The following ILDR2 variants were observed in gnomAD, a reference collection of about 807,000 sequenced individuals.
ILDR2 encodes immunoglobulin like domain containing receptor 2, also known as immunoglobulin-like domain-containing receptor 2.
ILDR2 carries 25 observed loss-of-function variants against 66.8 expected under a neutral mutation model. The observed-to-expected ratio is 0.37, with a 90% CI of 0.27 to 0.52. ILDR2 has a LOEUF of 0.52. Among genes scored for constraint, ILDR2 ranks in the 20% least tolerant of loss-of-function variants. The pLI is 0.88. For missense variants in ILDR2, 827 were observed against 876.8 expected (o/e 0.94, Z 0.72); for synonymous variants, 367 against 357.2 (o/e 1.03, Z -0.31).
rs371335210 is a variant in ILDR2, at chr1:166,939,618, G to C, written c.500-48C>G. The C allele has an allele frequency of 1.3e-4, 207 of 1,547,690 alleles. 1 individual carries two copies. In the Admixed American group the frequency reaches 3.4e-3, roughly 26 times the overall value. ...AAGAAGGAAAGTGGTTATTCCAAGG[G>C]AAAACATAGCCTAAAGCCTGGCTCC... is the stretch of plus-strand genomic sequence containing the variant. On this transcript the variant is annotated intron_variant, in intron 3 of 9. Coordinates refer to ENST00000271417, the MANE Select transcript of ILDR2 (RefSeq NM_199351.3).
Position 166,920,981 on chromosome 1 carries a change from G to A in ILDR2, c.1610C>T (p.Ala537Val). Residue 537 changes from alanine to valine, a missense_variant, in exon 9 of 10, where the codon GCG becomes GTG. By Grantham distance (64) the Ala-to-Val change is moderately conservative. This residue lies in a region of ILDR2 where 390 missense variants were observed against 353.6 expected (regional missense o/e 1.10). Transcript: ENST00000271417. ...SYLGSARERQ[A>V]RPEGASRGGS... is the part of the protein sequence containing the mutation. ...ACCGCGGCTGGCGCCCTCGGGCCGC[G>A]CCTGGCGCTCCCGCGCGCTGCCCAG... is the stretch of plus-strand genomic sequence containing the variant. The A allele has an allele frequency of 2.0e-6, 3 of 1,493,410 alleles. No individual in the cohort carries two copies. The highest frequency in any genetic ancestry group is 1.8e-6 in the Non-Finnish European group (2 of 1,132,668). 92.5% of individuals were successfully genotyped at this position (1,493,410 alleles called of 1,614,324 possible).
rs769643448 is a variant in ILDR2 at position 166,936,612 on chromosome 1, A to G, written c.682T>C (p.Ser228Pro). 6.2e-7 allele frequency: 1 copy of G among 1,614,086 alleles called. No homozygotes were observed. The highest frequency in any genetic ancestry group is 1.1e-5 in the South Asian group (1 of 91,078). The part of the protein sequence containing the change: ...CYVRCPCCPD[S>P]CCCPQALYEA... Reference sequence around the variant, plus strand: ...TCACAGGCTTGAGGGCAGCAGCAGGAATCTGGGCAGCATGGGCAGCGGACA... The same window carrying G: ...TCACAGGCTTGAGGGCAGCAGCAGGGATCTGGGCAGCATGGGCAGCGGACA... The change falls in exon 5 of 10, where the codon TCC becomes CCC. Residue 228 changes from serine to proline, a missense_variant. By Grantham distance (74) the Ser-to-Pro change is moderately conservative. This residue lies in a region of ILDR2 where 437 missense variants were observed against 523.2 expected (regional missense o/e 0.84). Transcript: ENST00000271417. This position sits in a 1 kb window ranked among gnomAD's most constrained non-coding sequence, Gnocchi z 5.0.
At chr1:166,955,014 C>A (rs890111917) in intron 3 of ILDR2, among the ~76,000 whole-genome samples, 2 of 152,188 alleles carry the variant, frequency 1.3e-5, no homozygotes, top group Non-Finnish European at 2.9e-5. Flanking sequence ...TAATTGTGGG[C>A]TCAATGAGCC....
chr1:166,955,540 T>G (rs1662226033), intron 3 of ILDR2, among the ~76,000 whole-genome samples: 1 of 151,734 alleles, frequency 6.6e-6, no homozygotes, highest in South Asian at 2.1e-4. Context: ...GAGGCAGAGG[T>G]TGCAATGAGC....
At chr1:166,934,199 C>T (rs1333964474) in intron 6 of ILDR2, among the ~76,000 whole-genome samples, 1 of 152,136 alleles carries the variant, frequency 6.6e-6, no homozygotes, top group Non-Finnish European at 1.5e-5. Flanking sequence ...CCTGCCCCTC[C>T]ACCTATACCT....
In ILDR2 at chr1:166,914,911, T is replaced by C. The variant is rs2101833487; in HGVS notation, c.*4444A>G. On this transcript the variant is annotated 3_prime_UTR_variant, in exon 10 of 10. Coordinates refer to ENST00000271417, the MANE Select transcript of ILDR2 (RefSeq NM_199351.3). ...TATAAAATGAGGACTTTTATTATTC[T>C]TGTCCACCCAACTTTAGGTAAGACC... The C allele has an allele frequency of 6.6e-6, 1 of 152,350 alleles. No homozygotes were observed. The highest frequency in any genetic ancestry group is 2.1e-4 in the South Asian group (1 of 4,828). 9.4% of individuals were successfully genotyped at this position (152,350 alleles called of 1,614,324 possible).
rs112820212 is a variant in ILDR2, at chr1:166,936,307, C to A, written c.703+284G>T. On this transcript the variant is annotated intron_variant, in intron 5 of 9. Transcript: ENST00000271417. This position sits in a 1 kb window ranked among gnomAD's most constrained non-coding sequence, Gnocchi z 5.0. Reference sequence around the variant, plus strand: ...ACAGTCTTACACCACAACCTCACCACGCCAAACCTGCCCTTCCATTTTATC... The same window carrying A: ...ACAGTCTTACACCACAACCTCACCAAGCCAAACCTGCCCTTCCATTTTATC... Among the ~76,000 whole-genome samples, 1 of 152,190 alleles carries A rather than the reference C, an allele frequency of 6.6e-6. No individual in the cohort carries two copies. The highest frequency in any genetic ancestry group is 1.5e-5 in the Non-Finnish European group (1 of 68,028).
intron 7 of ILDR2, among the ~76,000 whole-genome samples, chr1:166,923,960 A>G (rs1403035440): frequency 2.0e-5 from 3 of 152,208 alleles, no homozygotes; most frequent in Admixed American, 2.0e-4. Flanking sequence ...AGGTGGGCCA[A>G]GATAAGATGT....
At chr1:166,953,421 C>T (rs545745701) in intron 3 of ILDR2, among the ~76,000 whole-genome samples, 2 of 152,288 alleles carry the variant, frequency 1.3e-5, no homozygotes, top group South Asian at 4.1e-4. Flanking sequence ...TTCTTCTTAA[C>T]TTTGCCTCTA....
intron 1 of ILDR2, among the ~76,000 whole-genome samples, chr1:166,968,528 T>A (rs1352675098): frequency 2.0e-5 from 3 of 152,186 alleles, no homozygotes; most frequent in African/African-American, 2.4e-5. Flanking sequence ...ATGTGTTGAA[T>A]AATTTAACCC....
Position 166,919,291 on chromosome 1 carries a change from G to T in ILDR2, c.*64C>A. On this transcript the variant is annotated 3_prime_UTR_variant, in exon 10 of 10. Coordinates refer to ENST00000271417, the MANE Select transcript of ILDR2 (RefSeq NM_199351.3). ...AAGGTCCTGGGCCTGCTGGTTCTTA[G>T]ATTTGTGTCTTGTCCCCGTAGTCCA... 1 of 1,479,278 alleles carries T rather than the reference G, an allele frequency of 6.8e-7. No homozygotes were observed. Among genetic ancestry groups the T allele is most frequent in the Non-Finnish European group, 9.4e-7 (1 of 1,064,808 alleles). 91.6% of individuals were successfully genotyped at this position (1,479,278 alleles called of 1,614,324 possible). A position where few individuals can be genotyped will look rare whatever the true frequency, so the allele number is the denominator to read the frequency against.
At chr1:166,935,225 G>T in intron 6 of ILDR2, 76 bp downstream of exon 6, 4 of 1,426,082 alleles carry the variant, frequency 2.8e-6, no homozygotes, top group Non-Finnish European at 3.9e-6. Context: ...TCACTGAACT[G>T]ACTGTTCTTA....
intron 6 of ILDR2, among the ~76,000 whole-genome samples, chr1:166,933,268 A>G (rs1660745726): frequency 1.3e-5 from 2 of 152,252 alleles, no homozygotes; most frequent in South Asian, 4.1e-4. Flanking sequence ...GTCTGCTGGA[A>G]AAGTTTTTCT....
In ILDR2 at chr1:166,918,147, A is replaced by G. The variant is rs368054479; in HGVS notation, c.*1208T>C. On this transcript the variant is annotated 3_prime_UTR_variant, in exon 10 of 10. Transcript: ENST00000271417. ...TAGCTTTGGGATTTAGGCAAAATCT[A>G]TCATTTAGGCAAGGGTGGGAATAGG... 1 of 152,198 alleles carries G rather than the reference A, an allele frequency of 6.6e-6. No homozygotes were observed. Among genetic ancestry groups the G allele is most frequent in the South Asian group, 2.1e-4 (1 of 4,826 alleles). 9.4% of individuals were successfully genotyped at this position (152,198 alleles called of 1,614,324 possible).
Position 166,909,750 on chromosome 1 carries a change from TA to T in ILDR2, c.*9604del, listed in dbSNP as rs1659425417. The T allele has an allele frequency of 2.8e-5, 3 of 108,010 alleles. No homozygotes were observed. Among genetic ancestry groups the T allele is most frequent in the South Asian group, 3.1e-4 (1 of 3,236 alleles). The allele number at this position is 108,010 out of a possible 1,614,324, so 6.7% of individuals were successfully genotyped here. On this transcript the variant is annotated 3_prime_UTR_variant, in exon 10 of 10. Transcript: ENST00000271417. Reference sequence around the variant, plus strand: ...GTGTATACATACATATATATATATATATATATATAAATATATATAAATATAT... The same window carrying T: ...GTGTATACATACATATATATATATATTATATATAAATATATATAAATATAT...
chr1:166,926,994 G>A (rs1035165676), intron 7 of ILDR2, 73 bp downstream of exon 7: 6 of 1,052,270 alleles, frequency 5.7e-6, no homozygotes, highest in Non-Finnish European at 8.4e-6. Context: ...CCCAAGTTTG[G>A]TGACCCCCAA....
Position 166,950,093 on chromosome 1 carries a change from G to A in ILDR2, c.499+6640C>T, listed in dbSNP as rs140089085. 2.0e-5 allele frequency among the ~76,000 whole-genome samples: 3 copies of A among 152,340 alleles called. No individual in the cohort carries two copies. The East Asian group carries it at 5.8e-4, about 29-fold the overall frequency. On this transcript the variant is annotated intron_variant, in intron 3 of 9. Transcript: ENST00000271417. ...ATTGAGTTTACAAATGAAAATGTAG[G>A]TACAGCTCAAGTCAAAAGATGTTCC...
intron 3 of ILDR2, among the ~76,000 whole-genome samples, chr1:166,951,275 G>A (rs1661963013): frequency 6.6e-6 from 1 of 152,140 alleles, no homozygotes; most frequent in South Asian, 2.1e-4. Flanking sequence ...ATCTGCTGGG[G>A]GCCATCATCT....
rs1452215774 is a variant in ILDR2, at chr1:166,909,958, T to C, written c.*9397A>G. The C allele has an allele frequency of 6.6e-6, 1 of 151,152 alleles. No individual in the cohort carries two copies. Among genetic ancestry groups the C allele is most frequent in the Non-Finnish European group, 1.5e-5 (1 of 67,838 alleles). The allele number at this position is 151,152 out of a possible 1,614,324, so 9.4% of individuals were successfully genotyped here. A position where few individuals can be genotyped will look rare whatever the true frequency, so the allele number is the denominator to read the frequency against. ...AGGATTGTTTTAAAAAAAAGTAAAG[T>C]GTTTTAACATGTCTGGAATTTTCTC... On this transcript the variant is annotated 3_prime_UTR_variant, in exon 10 of 10. Coordinates refer to ENST00000271417, the MANE Select transcript of ILDR2 (RefSeq NM_199351.3).
Sources: gnomAD v4.1 joint callset for allele counts (sites outside exome capture counted in the v4.1 genomes callset) on GRCh38, gnomAD v4.1.1 for gene constraint, gnomAD v4.1.1 regional missense constraint, Gnocchi (gnomAD v3.1) non-coding constraint, MANE v1.5 for transcripts, NCBI Gene and HGNC (gene_info 2026-07-23, HGNC 2026-07-21) for gene names.